Variants in MTSS1 observed in about 807,000 individuals in gnomAD.
MTSS1 encodes the protein MTSS I-BAR domain containing 1.
MTSS1 carries 18 observed loss-of-function variants against 79.0 expected under a neutral mutation model. That is an observed-to-expected ratio of 0.23 (90% CI 0.16 to 0.34). The LOEUF (loss-of-function observed/expected upper bound fraction) is 0.34. MTSS1 is among the 10% of genes least tolerant of loss of function. MTSS1 has a pLI of 1.00. For synonymous variants in MTSS1, 341 were observed against 368.6 expected, an observed-to-expected ratio of 0.93 and a Z score of 0.86; for missense variants, 815 against 986.2, an observed-to-expected ratio of 0.83 and a Z score of 2.33.
At chr8:124,575,325 G>A (rs906993742) in intron 6 of MTSS1, among the ~76,000 whole-genome samples, 3 of 152,178 alleles carry the variant, frequency 2.0e-5, no homozygotes, top group South Asian at 2.1e-4. Flanking sequence ...CTCAATTTCC[G>A]TTATTTTTCA....
At chr8:124,657,643 C>T (rs761889057) in intron 3 of MTSS1, among the ~76,000 whole-genome samples, 5 of 152,190 alleles carry the variant, frequency 3.3e-5, no homozygotes, top group Non-Finnish European at 5.9e-5. Context: ...ACTGCGCATA[C>T]ATCATGGACA....
intron 9 of MTSS1, chr8:124,563,239 T>C (rs1274499523): frequency 7.6e-6 from 4 of 524,114 alleles, no homozygotes; most frequent in East Asian, 6.9e-5. Context: ...CTGCCAGGAC[T>C]CAGGTCTCCG....
At chr8:124,584,728 A>C (rs768381696) in intron 6 of MTSS1, among the ~76,000 whole-genome samples, 1 of 152,240 alleles carries the variant, frequency 6.6e-6, no homozygotes, top group Non-Finnish European at 1.5e-5. Context: ...CTGCAGGAGA[A>C]AATGACATAA....
At chr8:124,616,325 T>G (rs2133409476) in intron 3 of MTSS1, among the ~76,000 whole-genome samples, 1 of 150,836 alleles carries the variant, frequency 6.6e-6, no homozygotes. Context: ...CTCATGAGGT[T>G]TTTGTCATTG....
At position 124,582,309 on chromosome 8, in the gene MTSS1, C is replaced by T. The variant is rs182456547; in HGVS notation, c.460+2778G>A. Among the ~76,000 whole-genome samples, 41 of 152,276 alleles carry T rather than the reference C, an allele frequency of 2.7e-4. No homozygotes were observed. In the South Asian group the frequency reaches 8.3e-3, roughly 31 times the overall value. ...GAAATATTTAAACACCTTTAGATTA[C>T]AAACCACCTCTCTATATAGTAAGAA... On this transcript the variant is annotated intron_variant, in intron 6 of 13. Coordinates refer to ENST00000518547, the MANE Select transcript of MTSS1 (RefSeq NM_014751.6). The surrounding 1 kb of genome is among the most constrained non-coding windows in gnomAD (Gnocchi z 4.8).
At chr8:124,610,969 C>A (rs1274462841) in intron 3 of MTSS1, among the ~76,000 whole-genome samples, 1 of 152,162 alleles carries the variant, frequency 6.6e-6, no homozygotes, top group Non-Finnish European at 1.5e-5. Flanking sequence ...ATGGAAACAG[C>A]ACCAAGGACC....
At chr8:124,685,132 A>G (rs1461522950) in intron 3 of MTSS1, among the ~76,000 whole-genome samples, 1 of 151,770 alleles carries the variant, frequency 6.6e-6, no homozygotes, top group Admixed American at 6.6e-5. Context: ...GTATATTCAC[A>G]TTGTTAATGT....
intron 1 of MTSS1, among the ~76,000 whole-genome samples, chr8:124,716,849 A>G (rs1373807772): frequency 6.6e-6 from 1 of 152,132 alleles, no homozygotes; most frequent in African/African-American, 2.4e-5. Flanking sequence ...GAACTGAGAC[A>G]TGTTTTTTGG....
intron 3 of MTSS1, among the ~76,000 whole-genome samples, chr8:124,600,302 T>C (rs1244644735): frequency 2.0e-5 from 3 of 152,260 alleles, no homozygotes; most frequent in Non-Finnish European, 4.4e-5. Context: ...CTACTTCTTT[T>C]GTAGAAATGA....
At chr8:124,608,490 G>A (rs192486687) in intron 3 of MTSS1, among the ~76,000 whole-genome samples, 43 of 152,322 alleles carry the variant, frequency 2.8e-4, no homozygotes, top group Non-Finnish European at 7.3e-5. Context: ...AGAACCAGTA[G>A]GGTCTGGTTT....
intron 6 of MTSS1, among the ~76,000 whole-genome samples, chr8:124,571,617 G>A (rs775385342): frequency 1.3e-5 from 2 of 151,982 alleles, no homozygotes; most frequent in Non-Finnish European, 2.9e-5. Context: ...GAGACACATT[G>A]TGTTTGACCA....
intron 3 of MTSS1, among the ~76,000 whole-genome samples, chr8:124,623,515 G>C (rs1814018978): frequency 6.6e-6 from 1 of 152,132 alleles, no homozygotes; most frequent in African/African-American, 2.4e-5. Context: ...ACACTTGCTG[G>C]CTTCACAAAT....
At chr8:124,609,908 A>G (rs1835496577) in intron 3 of MTSS1, among the ~76,000 whole-genome samples, 1 of 152,176 alleles carries the variant, frequency 6.6e-6, no homozygotes, top group African/African-American at 2.4e-5. Context: ...GGTGGGGGGA[A>G]ATGAGACATT....
intron 5 of MTSS1, among the ~76,000 whole-genome samples, chr8:124,588,528 C>A (rs528628052): frequency 5.3e-4 from 80 of 152,220 alleles, no homozygotes; most frequent in Non-Finnish European, 9.4e-4. Flanking sequence ...CTCATACCAT[C>A]AAGGTCCCTG....
chr8:124,646,792 TA>T (rs199859912), intron 3 of MTSS1, among the ~76,000 whole-genome samples: 313 of 147,272 alleles, frequency 2.1e-3, no homozygotes, highest in African/African-American at 5.6e-3. Context: ...TCCTCATGGT[TA>T]AAAAAAAAAA....
At position 124,551,339 on chromosome 8, in the gene MTSS1, T is replaced by C. The variant is rs1822485433; in HGVS notation, c.*1653A>G. The stretch of plus-strand genomic sequence containing the variant: ...GAGCTTGTTTTTCAAAGAAAAAAGC[T>C]TAAATAGTTTCTAATAATCATGCCT... On this transcript the variant is annotated 3_prime_UTR_variant, in exon 14 of 14. Coordinates refer to ENST00000518547, the MANE Select transcript of MTSS1 (RefSeq NM_014751.6). 6.6e-6 allele frequency: 1 copy of C among 152,648 alleles called. No individual in the cohort carries two copies. Among genetic ancestry groups the C allele is most frequent in the South Asian group, 2.1e-4 (1 of 4,830 alleles). 9.5% of individuals were successfully genotyped at this position (152,648 alleles called of 1,614,324 possible). A position where few individuals can be genotyped will look rare whatever the true frequency, so the allele number is the denominator to read the frequency against.
chr8:124,711,116 C>T (rs559640110), intron 1 of MTSS1, among the ~76,000 whole-genome samples: 12 of 152,340 alleles, frequency 7.9e-5, no homozygotes, highest in African/African-American at 2.6e-4. Flanking sequence ...CATCATGAAG[C>T]ATCACCACTT....
chr8:124,657,218 G>GC (rs1263146694), intron 3 of MTSS1, among the ~76,000 whole-genome samples: 1 of 152,166 alleles, frequency 6.6e-6, no homozygotes, highest in African/African-American at 2.4e-5. Flanking sequence ...CTAAATGCCT[G>GC]CACTTTGCTT....
At chr8:124,677,021 GCACA>G in intron 3 of MTSS1, among the ~76,000 whole-genome samples, 2 of 152,026 alleles carry the variant, frequency 1.3e-5, no homozygotes, top group Non-Finnish European at 2.9e-5. Context: ...AATTTTAAAG[GCACA>G]CAGAAAAAAA....
Sources: gnomAD v4.1 joint callset for allele counts (sites outside exome capture counted in the v4.1 genomes callset) on GRCh38, gnomAD v4.1.1 for gene constraint, Gnocchi (gnomAD v3.1) non-coding constraint, MANE v1.5 for transcripts, NCBI Gene and HGNC (gene_info 2026-07-23, HGNC 2026-07-21) for gene names.